The following SLC36A1 variants were observed in gnomAD, a reference collection of about 807,000 sequenced individuals.
SLC36A1 encodes solute carrier family 36 member 1.
A neutral mutation model predicts 47.5 loss-of-function variants in SLC36A1; 30 were observed. The ratio of observed to expected loss-of-function variants is 0.63; its 90% confidence interval spans 0.47 to 0.86. SLC36A1 has a LOEUF of 0.86. Among genes scored for constraint, SLC36A1 ranks in the 40% least tolerant of loss-of-function variants. The probability of loss-of-function intolerance (pLI) is 0.00; values close to 1 mark genes in which losing one functional copy is unlikely to be tolerated. For synonymous variants in SLC36A1, 255 were observed against 249.7 expected, an observed-to-expected ratio of 1.02 and a Z score of -0.20; for missense variants, 517 against 606.0, an observed-to-expected ratio of 0.85 and a Z score of 1.54.
chr5:151,446,492 T>A (rs1752927671), upstream of SLC36A1, among the ~76,000 whole-genome samples: 1 of 152,062 alleles, frequency 6.6e-6, no homozygotes, highest in African/African-American at 2.4e-5. Context: ...ATTGCACCAC[T>A]GCACTCCAGA....
the SLC36A1 span, among the ~76,000 whole-genome samples, chr5:151,428,398 C>T: frequency 2.0e-5 from 3 of 152,212 alleles, no homozygotes; most frequent in Non-Finnish European, 4.4e-5. Flanking sequence ...CTGGGAGGAG[C>T]AAGGGGTGGC....
chr5:151,553,496 T>G, the SLC36A1 span: 4 of 905,840 alleles, frequency 4.4e-6, no homozygotes, highest in Non-Finnish European at 7.0e-6. Flanking sequence ...AGCAGGCCTC[T>G]CATCCAGTCA....
chr5:151,432,425 T>TAA (rs1759411665), upstream of SLC36A1, among the ~76,000 whole-genome samples: 1 of 152,182 alleles, frequency 6.6e-6, no homozygotes, highest in East Asian at 1.9e-4. Flanking sequence ...ACTGCTGTTT[T>TAA]TGCAGGCCTC....
the SLC36A1 span, among the ~76,000 whole-genome samples, chr5:151,536,466 G>T: frequency 6.6e-6 from 1 of 152,220 alleles, no homozygotes; most frequent in African/African-American, 2.4e-5. Context: ...TCAGCAGCTG[G>T]CCCTTGTGAC....
At chr5:151,462,510 G>A (rs1183800288) in intron 2 of SLC36A1, among the ~76,000 whole-genome samples, 1 of 151,588 alleles carries the variant, frequency 6.6e-6, no homozygotes, top group Admixed American at 6.6e-5. Flanking sequence ...GATTACAGGT[G>A]CCTGCCACCA....
the SLC36A1 span, among the ~76,000 whole-genome samples, chr5:151,364,220 T>G: frequency 6.6e-6 from 1 of 152,152 alleles, no homozygotes; most frequent in East Asian, 1.9e-4. Context: ...CTACCTAGCT[T>G]TTCTTAATTT....
Position 151,473,204 on chromosome 5 carries a change from AG to A in SLC36A1, c.724-468del, listed in dbSNP as rs1561768180. Among the ~76,000 whole-genome samples the A allele has an allele frequency of 8.1e-4, 123 of 151,618 alleles. 1 individual carries two copies. The highest frequency in any genetic ancestry group is 2.9e-3 in the African/African-American group (118 of 41,318). On this transcript the variant is annotated intron_variant, in intron 7 of 10. Transcript: ENST00000243389. ...TAGATAGATAGATAGATAGATAGATAGATAGATAGATAGATAGATAGAATAT... is the reference window on the plus strand; with the variant it reads ...TAGATAGATAGATAGATAGATAGATAATAGATAGATAGATAGATAGAATAT...
chr5:151,394,214 A>G, the SLC36A1 span, among the ~76,000 whole-genome samples: 3 of 152,172 alleles, frequency 2.0e-5, no homozygotes, highest in Non-Finnish European at 4.4e-5. Flanking sequence ...AAGCTTGTGC[A>G]TTCATCACGT....
At chr5:151,510,229 A>C in the SLC36A1 span, 2 of 1,585,532 alleles carry the variant, frequency 1.3e-6, no homozygotes, top group Admixed American at 1.7e-5. Context: ...GTTAAAGGAG[A>C]CCTGGCATTG....
chr5:151,458,814 A>G lies in SLC36A1; in HGVS notation c.22A>G (p.Asn8Asp), dbSNP rs764750192. 1.2e-6 allele frequency: 2 copies of G among 1,613,982 alleles called. No individual in the cohort carries two copies. The highest frequency in any genetic ancestry group is 1.7e-6 in the Non-Finnish European group (2 of 1,179,944). Residue 8 changes from asparagine (N) to aspartate (D), a missense_variant, in exon 2 of 11, where the codon AAT becomes GAT. Physicochemically the swap from Asn to Asp is conservative, Grantham distance 23 (BLOSUM62 1). Coordinates refer to ENST00000243389, the MANE Select transcript of SLC36A1 (RefSeq NM_078483.4). Reference protein sequence around the residue: MSTQRLRNEDYHDYSSTD... With the variant: MSTQRLRDEDYHDYSSTD... ...TGCCATGTCCACGCAGAGACTTCGG[A>G]ATGAAGACTACCACGACTACAGCTC...
downstream of SLC36A1, among the ~76,000 whole-genome samples, chr5:151,496,105 G>T (rs779196477): frequency 6.6e-6 from 1 of 152,144 alleles, no homozygotes; most frequent in Non-Finnish European, 1.5e-5. Context: ...TTGTGGGAGG[G>T]ACCCGGTGGG....
the SLC36A1 span, among the ~76,000 whole-genome samples, chr5:151,539,126 A>T: frequency 1.3e-5 from 2 of 152,108 alleles, no homozygotes; most frequent in Admixed American, 6.5e-5. Flanking sequence ...GAGGGAAAAG[A>T]GAAGGAAGGT....
At chr5:151,374,910 T>G in the SLC36A1 span, among the ~76,000 whole-genome samples, 1 of 40,274 alleles carries the variant, frequency 2.5e-5, no homozygotes, top group Non-Finnish European at 4.4e-5. Context: ...AATGTTGGGG[T>G]TTTTTTTTTT....
rs1554110054 is a variant in SLC36A1 at position 151,458,356 on chromosome 5, T to TAC, written c.-5-425_-5-424dup. 1.2e-4 allele frequency among the ~76,000 whole-genome samples: 16 copies of TAC among 129,768 alleles called. No homozygotes were observed. The East Asian group carries it at 2.2e-3, about 18-fold the overall frequency. The allele number at this position is 129,768 out of a possible 152,430, so 85.1% of individuals were successfully genotyped here. A position where few individuals can be genotyped will look rare whatever the true frequency, so the allele number is the denominator to read the frequency against. ...TATGGGATATTTATATATATATATATACACACACGATTGAACTATTGCACA... is the reference window on the plus strand; with the variant it reads ...TATGGGATATTTATATATATATATATACACACACACGATTGAACTATTGCACA... On this transcript the variant is annotated intron_variant, in intron 1 of 10. Coordinates refer to ENST00000243389, the MANE Select transcript of SLC36A1 (RefSeq NM_078483.4).
chr5:151,520,976 G>C, the SLC36A1 span, among the ~76,000 whole-genome samples: 2 of 152,238 alleles, frequency 1.3e-5, no homozygotes, highest in Non-Finnish European at 2.9e-5. Flanking sequence ...GTAAGGGGTA[G>C]AGCTGGGATT....
At chr5:151,520,450 A>G in the SLC36A1 span, among the ~76,000 whole-genome samples, 1 of 152,192 alleles carries the variant, frequency 6.6e-6, no homozygotes, top group East Asian at 1.9e-4. Flanking sequence ...GGGGCTAATG[A>G]CCCTGCTTGG....
At chr5:151,528,323 C>A in the SLC36A1 span, among the ~76,000 whole-genome samples, 1 of 152,180 alleles carries the variant, frequency 6.6e-6, no homozygotes, top group Non-Finnish European at 1.5e-5. Context: ...ATGGTTTATT[C>A]ATTCACTCAC....
At chr5:151,537,983 G>T in the SLC36A1 span, 6 of 1,600,668 alleles carry the variant, frequency 3.7e-6, no homozygotes, top group South Asian at 6.8e-5. Flanking sequence ...GAGACTGTGG[G>T]GACTGCATTC....
the SLC36A1 span, among the ~76,000 whole-genome samples, chr5:151,349,330 G>T: frequency 5.9e-5 from 9 of 152,098 alleles, no homozygotes; most frequent in African/African-American, 2.2e-4. Context: ...AAAGCTTGTA[G>T]GGTGGGGCTC....
Sources: gnomAD v4.1 joint callset for allele counts (sites outside exome capture counted in the v4.1 genomes callset) on GRCh38, gnomAD v4.1.1 for gene constraint, MANE v1.5 for transcripts, NCBI Gene and HGNC (gene_info 2026-07-23, HGNC 2026-07-21) for gene names.